SOX5: variants seen among roughly 807,000 people sequenced by gnomAD.
The protein encoded by SOX5 is SRY-box transcription factor 5, also known as transcription factor SOX-5.
SOX5 carries 9 observed loss-of-function variants against 92.0 expected under a neutral mutation model. The ratio of observed to expected loss-of-function variants is 0.10; its 90% confidence interval spans 0.06 to 0.17. SOX5 has a LOEUF of 0.17. Ranked by LOEUF, SOX5 falls within the 10% of genes least tolerant of loss-of-function variation. The pLI is 1.00. For synonymous variants in SOX5, 344 were observed against 336.3 expected (o/e 1.02, Z -0.25); for missense variants, 642 against 944.5 (o/e 0.68, Z 4.20).
chr12:24,499,887 T>G (rs1948028945), intron 1 of SOX5, among the ~76,000 whole-genome samples: 1 of 152,064 alleles, frequency 6.6e-6, no homozygotes, highest in South Asian at 2.1e-4. Context: ...GATGATGAAA[T>G]TTGTTTCTCT....
At chr12:23,706,007 A>C (rs1026927824) in intron 6 of SOX5, among the ~76,000 whole-genome samples, 1 of 151,840 alleles carries the variant, frequency 6.6e-6, no homozygotes, top group Admixed American at 6.6e-5. Context: ...TGCTTTATGC[A>C]TCTTGCTTCT....
intron 6 of SOX5, among the ~76,000 whole-genome samples, chr12:23,691,664 A>G (rs1360532010): frequency 2.0e-5 from 3 of 151,970 alleles, no homozygotes; most frequent in Non-Finnish European, 4.4e-5. Context: ...AGCAAAAGGT[A>G]TTTTCAGTTC....
intron 1 of SOX5, among the ~76,000 whole-genome samples, chr12:24,474,078 C>A (rs7312777): frequency 0.19 from 28,638 of 151,888 alleles, 2,828 homozygotes; most frequent in Middle Eastern, 0.25. Context: ...ATAAAGAATG[C>A]TGTAAATGAT....
At chr12:23,960,664 C>T (rs114287655) in intron 4 of SOX5, among the ~76,000 whole-genome samples, 2,493 of 150,588 alleles carry the variant, frequency 0.017, 61 homozygotes, top group African/African-American at 0.057. Flanking sequence ...CTTATCTATA[C>T]ACTGATATAA....
intron 1 of SOX5, among the ~76,000 whole-genome samples, chr12:23,917,544 C>T (rs915677963): frequency 3.9e-5 from 6 of 152,022 alleles, no homozygotes; most frequent in Admixed American, 2.0e-4. Context: ...AAGAATGAGA[C>T]GCTGCCTCAA....
At position 24,470,277 on chromosome 12, in the gene SOX5, A is replaced by G. The variant is rs149674061; in HGVS notation, c.-251+92052T>C. 2.7e-3 allele frequency among the ~76,000 whole-genome samples: 410 copies of G among 152,328 alleles called. 2 individuals carry two copies. Among genetic ancestry groups the G allele is most frequent in the African/African-American group, 9.4e-3 (390 of 41,590 alleles). On this transcript the variant is annotated intron_variant, in intron 1 of 4. Transcript: ENST00000446891. ...AAGCATCATTACGACATCAGCCTCA[A>G]TCTTGTGGGAAGGACCATAAACAAA...
chr12:24,097,365 G>A (rs7959035), intron 4 of SOX5, among the ~76,000 whole-genome samples: 117,024 of 152,012 alleles, frequency 0.77, 45,826 homozygotes, highest in East Asian at 1. Context: ...TAAACATTTT[G>A]TTTTTTTATA....
rs77202979 is a variant in SOX5 at position 24,441,759 on chromosome 12, AT to A, written c.-250-73121del. ...GAAGCACTGTATCAGCATTTTATGC[AT>A]TGTTAACTTTTTTTAGGAAACCATT... is the stretch of plus-strand genomic sequence containing the variant. On this transcript the variant is annotated intron_variant, in intron 1 of 4. Coordinates refer to the SOX5 transcript ENST00000446891. Among the ~76,000 whole-genome samples the A allele has an allele frequency of 4.6e-3, 706 of 152,324 alleles. 11 individuals carry two copies. In the East Asian group the frequency reaches 0.051, roughly 11 times the overall value.
chr12:23,640,846 G>A lies in SOX5; in HGVS notation c.983C>T (p.Ala328Val). 1 of 1,613,714 alleles carries A rather than the reference G, an allele frequency of 6.2e-7. No homozygotes were observed. The highest frequency in any genetic ancestry group is 8.5e-7 in the Non-Finnish European group (1 of 1,179,786). The change falls in exon 8 of 15, where the codon GCA (alanine) becomes GTA (valine). Residue 328 changes from alanine (A) to valine (V), a missense_variant. Ala to Val is a moderately conservative substitution (Grantham distance 64). Coordinates refer to ENST00000451604, the MANE Select transcript of SOX5 (RefSeq NM_006940.6). Reference sequence around the variant, plus strand: ...GAGTGGGCCTAAGCCTGGTGTTGCTGCGGCAGCAGCTGCCATGGTAGTTGG... The same window carrying A: ...GAGTGGGCCTAAGCCTGGTGTTGCTACGGCAGCAGCTGCCATGGTAGTTGG... ...LIPTTMAAAA[A>V]ATPGLGPLQL... is the part of the protein sequence containing the mutation.
At chr12:23,937,020 C>T (rs1942725064) in intron 1 of SOX5, among the ~76,000 whole-genome samples, 1 of 150,780 alleles carries the variant, frequency 6.6e-6, no homozygotes. Context: ...TTTATACTTT[C>T]CTAAATCACA....
At chr12:24,011,531 C>T (rs1391488380) in intron 4 of SOX5, among the ~76,000 whole-genome samples, 2 of 152,016 alleles carry the variant, frequency 1.3e-5, no homozygotes, top group Non-Finnish European at 2.9e-5. Flanking sequence ...TTTTTGTTAA[C>T]AACTTTTATT....
At chr12:24,504,352 T>C (rs1948514752) in intron 1 of SOX5, among the ~76,000 whole-genome samples, 1 of 152,188 alleles carries the variant, frequency 6.6e-6, no homozygotes, top group Admixed American at 6.5e-5. Flanking sequence ...TGTCTTGTCT[T>C]CAATATATAA....
intron 9 of SOX5, 141 bp from the exon 10 acceptor site, chr12:23,575,979 G>T: frequency 1.7e-6 from 1 of 593,740 alleles, no homozygotes; most frequent in Non-Finnish European, 2.8e-6. Context: ...GAACATTACA[G>T]CATTTGCTTA....
chr12:24,425,746 T>C (rs1292882779), intron 1 of SOX5, among the ~76,000 whole-genome samples: 3 of 152,196 alleles, frequency 2.0e-5, no homozygotes, highest in Non-Finnish European at 2.9e-5. Context: ...TCAGAAACTA[T>C]GCATAGCAAC....
intron 2 of SOX5, among the ~76,000 whole-genome samples, chr12:24,293,072 CTA>C (rs1946800653): frequency 6.6e-6 from 1 of 152,112 alleles, no homozygotes; most frequent in Admixed American, 6.6e-5. Context: ...CATGTAGTCA[CTA>C]TACTATAATA....
intron 6 of SOX5, among the ~76,000 whole-genome samples, chr12:23,720,789 A>G (rs2092772561): frequency 6.6e-6 from 1 of 152,192 alleles, no homozygotes; most frequent in Non-Finnish European, 1.5e-5. Flanking sequence ...TATTGTTCCA[A>G]ATGTCTTCAG....
At chr12:23,762,611 A>AAT in intron 3 of SOX5, 2 of 430,366 alleles carry the variant, frequency 4.6e-6, no homozygotes. Flanking sequence ...TTAATACAAA[A>AAT]AGAAAAAAAA....
chr12:24,030,082 G>A (rs1453280152), intron 4 of SOX5, among the ~76,000 whole-genome samples: 1 of 151,880 alleles, frequency 6.6e-6, no homozygotes, highest in African/African-American at 2.4e-5. Flanking sequence ...CAATTACATA[G>A]TAAATAATGA....
chr12:24,278,668 G>A (rs376683265), intron 2 of SOX5, among the ~76,000 whole-genome samples: 9 of 152,000 alleles, frequency 5.9e-5, no homozygotes, highest in Non-Finnish European at 7.4e-5. Context: ...CTGTGGTTGC[G>A]TCACTGCACT....
Sources: gnomAD v4.1 joint callset for allele counts (sites outside exome capture counted in the v4.1 genomes callset) on GRCh38, gnomAD v4.1.1 for gene constraint, MANE v1.5 for transcripts, NCBI Gene and HGNC (gene_info 2026-07-23, HGNC 2026-07-21) for gene names.